Variants in HRH1 observed in about 807,000 individuals in gnomAD.
HRH1 encodes the protein histamine H1 receptor.
In HRH1, 6 loss-of-function variants were observed where a neutral mutation model predicts 10.3. The ratio of observed to expected loss-of-function variants is 0.58; its 90% CI spans 0.32 to 1.15. The LOEUF (loss-of-function observed/expected upper bound fraction) is 1.15, where lower values mean the gene tolerates loss of function less well. Among genes scored for constraint, HRH1 ranks in the 50% most tolerant of loss-of-function variants. The probability of loss-of-function intolerance (pLI) is 0.05; values close to 1 mark genes in which losing one functional copy is unlikely to be tolerated. For synonymous variants in HRH1, 242 were observed against 236.7 expected, an observed-to-expected ratio of 1.02 and a Z score of -0.21; for missense variants, 514 against 615.3, an observed-to-expected ratio of 0.84 and a Z score of 1.74.
At chr3:11,175,084 G>A (rs150266375) in intron 1 of HRH1, among the ~76,000 whole-genome samples, 15 of 152,252 alleles carry the variant, frequency 9.9e-5, no homozygotes, top group Admixed American at 2.6e-4. Context: ...GAAGTGGGAG[G>A]GCAAGGCTGG....
At chr3:11,174,232 A>T (rs904245080) in intron 1 of HRH1, among the ~76,000 whole-genome samples, 5 of 152,228 alleles carry the variant, frequency 3.3e-5, no homozygotes, top group African/African-American at 9.6e-5. Context: ...TTAGGGAAGC[A>T]TCGTGTGTGT....
chr3:11,237,281 G>T (rs926299696), intron 1 of HRH1, among the ~76,000 whole-genome samples: 1 of 152,172 alleles, frequency 6.6e-6, no homozygotes, highest in South Asian at 2.1e-4. Context: ...ACGTTAGCAC[G>T]GATGTCCATG....
In HRH1 at chr3:11,261,626, C is replaced by T. The variant is rs1404984070; in HGVS notation, c.*1125C>T. 1.2e-5 allele frequency: 2 copies of T among 166,724 alleles called. No homozygotes were observed. Among genetic ancestry groups the T allele is most frequent in the Non-Finnish European group, 2.9e-5 (2 of 68,124 alleles). The allele number at this position is 166,724 out of a possible 1,614,324, so 10.3% of individuals were successfully genotyped here. Reference sequence around the variant, plus strand: ...CTGAGGTGGGCAGATCATTTGAGGCCAGGAGTTCAAGACCAGTCTGGCCAA... The same window carrying T: ...CTGAGGTGGGCAGATCATTTGAGGCTAGGAGTTCAAGACCAGTCTGGCCAA... On this transcript the variant is annotated 3_prime_UTR_variant, in exon 2 of 2. Transcript: ENST00000431010.
chr3:11,216,952 G>A (rs1296463038), intron 1 of HRH1, among the ~76,000 whole-genome samples: 1 of 151,988 alleles, frequency 6.6e-6, no homozygotes, highest in Non-Finnish European at 1.5e-5. Flanking sequence ...GGGAGGCCGA[G>A]GCGGGCAGAT....
chr3:11,194,189 G>A (rs541412492), intron 1 of HRH1, among the ~76,000 whole-genome samples: 2 of 152,336 alleles, frequency 1.3e-5, no homozygotes, highest in Admixed American at 6.5e-5. Context: ...AGAAGAGAGA[G>A]AGGATACTTT....
intron 1 of HRH1, among the ~76,000 whole-genome samples, chr3:11,166,584 A>ATG (rs1407551448): frequency 7.0e-6 from 1 of 143,070 alleles, no homozygotes; most frequent in African/African-American, 2.6e-5. Context: ...CTCCAGGCCC[A>ATG]TGACATCTGC....
At chr3:11,202,438 T>TTAAATAATTAAA (rs1553573796) in intron 1 of HRH1, among the ~76,000 whole-genome samples, 2 of 133,554 alleles carry the variant, frequency 1.5e-5, no homozygotes, top group Non-Finnish European at 3.2e-5. Context: ...AAATAAATAA[T>TTAAATAATTAAA]TAATTAAAAA....
intron 1 of HRH1, among the ~76,000 whole-genome samples, chr3:11,218,018 C>G (rs1369949004): frequency 6.6e-6 from 1 of 152,094 alleles, no homozygotes; most frequent in African/African-American, 2.4e-5. Context: ...GTCAAACTTC[C>G]AGATTCTTTC....
At chr3:11,173,249 T>C (rs371941359) in intron 1 of HRH1, among the ~76,000 whole-genome samples, 1 of 152,216 alleles carries the variant, frequency 6.6e-6, no homozygotes, top group South Asian at 2.1e-4. Context: ...TTCATTTTTC[T>C]TGTCTGTAAA....
At chr3:11,193,127 A>T (rs1937580332) in intron 1 of HRH1, among the ~76,000 whole-genome samples, 1 of 152,248 alleles carries the variant, frequency 6.6e-6, no homozygotes, top group Non-Finnish European at 1.5e-5. Context: ...CAACATCTAA[A>T]TATAAGCATG....
chr3:11,230,609 G>A lies in HRH1; in HGVS notation c.-35-28394G>A, dbSNP rs117902273. ...GCTTGTTAGAGATGCAGAATCTCTG[G>A]CCCTACCTCAGACCTCCTGAGCCAT... On this transcript the variant is annotated intron_variant, in intron 1 of 1. Transcript: ENST00000431010. 1.4e-4 allele frequency among the ~76,000 whole-genome samples: 21 copies of A among 152,240 alleles called. No homozygotes were observed. The East Asian group carries it at 3.9e-3, about 28-fold the overall frequency.
At chr3:11,205,161 G>T (rs1938070984) in intron 1 of HRH1, among the ~76,000 whole-genome samples, 1 of 152,186 alleles carries the variant, frequency 6.6e-6, no homozygotes, top group African/African-American at 2.4e-5. Context: ...GGGAATGTAT[G>T]CACTGCCACC....
chr3:11,163,550 G>T (rs1423558132), intron 1 of HRH1, among the ~76,000 whole-genome samples: 1 of 152,106 alleles, frequency 6.6e-6, no homozygotes, highest in Non-Finnish European at 1.5e-5. Context: ...ATTTCTCTGT[G>T]CCTCAGCTTC....
upstream of HRH1, among the ~76,000 whole-genome samples, chr3:11,150,478 G>A (rs1247924996): frequency 6.6e-6 from 1 of 152,254 alleles, no homozygotes; most frequent in Non-Finnish European, 1.5e-5. Context: ...GTGGGGAGCT[G>A]GACCGGGCTC....
intron 1 of HRH1, among the ~76,000 whole-genome samples, chr3:11,182,573 C>G (rs562934770): frequency 1.3e-5 from 2 of 152,304 alleles, no homozygotes; most frequent in Non-Finnish European, 2.9e-5. Context: ...CTCAGGCCTT[C>G]AGCAGTGGTT....
chr3:11,138,027 T>A (rs1936215644), intron 1 of HRH1, among the ~76,000 whole-genome samples: 1 of 152,060 alleles, frequency 6.6e-6, no homozygotes, highest in Non-Finnish European at 1.5e-5. Flanking sequence ...GGAACTCTTT[T>A]TTTTTTGAGA....
At chr3:11,151,355 C>T (rs1936616201), upstream of HRH1, among the ~76,000 whole-genome samples, 1 of 152,182 alleles carries the variant, frequency 6.6e-6, no homozygotes, top group African/African-American at 2.4e-5. Context: ...AGATTTATGA[C>T]AATTACCTTT....
In HRH1 at chr3:11,213,807, C is replaced by T. The variant is rs543862315; in HGVS notation, c.-35-45196C>T. ...TGTAAGTCCTTTGCATGGTGACTGGCACACTCAAAGCTCTCGATAAACGGT... is the reference window on the plus strand; with the variant it reads ...TGTAAGTCCTTTGCATGGTGACTGGTACACTCAAAGCTCTCGATAAACGGT... On this transcript the variant is annotated intron_variant, in intron 1 of 1. Coordinates refer to ENST00000431010, the MANE Select transcript of HRH1 (RefSeq NM_001098212.2). 1.2e-4 allele frequency among the ~76,000 whole-genome samples: 18 copies of T among 152,344 alleles called. No homozygotes were observed. In the South Asian group the frequency reaches 3.7e-3, roughly 32 times the overall value.
chr3:11,257,525 A>C (rs1939812762), intron 1 of HRH1, among the ~76,000 whole-genome samples: 1 of 150,470 alleles, frequency 6.6e-6, no homozygotes, highest in Admixed American at 6.7e-5. Flanking sequence ...GTGCCATTGC[A>C]CTCCAGTCTG....
Sources: gnomAD v4.1 joint callset for allele counts (sites outside exome capture counted in the v4.1 genomes callset) on GRCh38, gnomAD v4.1.1 for gene constraint, MANE v1.5 for transcripts, NCBI Gene and HGNC (gene_info 2026-07-23, HGNC 2026-07-21) for gene names.